The following VIPAS39 variants were observed in gnomAD, a reference collection of about 807,000 sequenced individuals.
VIPAS39 encodes the protein spermatogenesis-defective protein 39 homolog.
Under a neutral mutation model 84.7 loss-of-function variants are expected in VIPAS39, and 63 were observed. That is an observed-to-expected ratio of 0.74 (90% CI 0.61 to 0.92). VIPAS39 has a LOEUF of 0.92. Ranked by LOEUF, VIPAS39 falls within the 40% of genes least tolerant of loss-of-function variation. The pLI is 0.00. For missense variants in VIPAS39, 499 were observed against 604.5 expected (o/e 0.83, Z 1.83); for synonymous variants, 192 against 216.5 (o/e 0.89, Z 0.99).
intron 6 of VIPAS39, 127 bp from the exon 7 acceptor site, chr14:77,448,677 G>A: frequency 1.0e-6 from 1 of 995,168 alleles, no homozygotes; most frequent in Non-Finnish European, 1.5e-6. Flanking sequence ...GAATGGATGT[G>A]AAAAAAATGA....
rs191110003 is a variant in VIPAS39, at chr14:77,447,110, C to T, written c.504+1384G>A. Among the ~76,000 whole-genome samples the T allele has an allele frequency of 5.7e-4, 86 of 150,450 alleles. 1 individual carries two copies. The highest frequency in any genetic ancestry group is 1.8e-3 in the African/African-American group (75 of 41,002). On this transcript the variant is annotated intron_variant, in intron 7 of 19. Coordinates refer to ENST00000557658, the MANE Select transcript of VIPAS39 (RefSeq NM_001193315.2). ...AGGCTGGAGTGCAATTGCACAATCT[C>T]GGCCACCAGGTTCAAACGATTCTCT...
At chr14:77,446,533 C>A (rs563861667) in intron 7 of VIPAS39, among the ~76,000 whole-genome samples, 1 of 152,250 alleles carries the variant, frequency 6.6e-6, no homozygotes, top group Non-Finnish European at 1.5e-5. Flanking sequence ...TTGATCTGTA[C>A]ATTCAAGGCA....
Position 77,451,190 on chromosome 14 carries a change from TA to T in VIPAS39, c.339del (p.Phe113LeufsTer60), listed in dbSNP as rs2078875623. ...CCATTTAAGCATCTCTCTTTACCTC[TA>T]AAAAAGCTGCTCAGGGAGTAGGTAG... ...PTSTYSLSSFFRGRTRPGSFQ... is the reference protein window; with the variant it reads ...PTSTYSLSSFXRGRTRPGSFQ... On this transcript the variant is annotated frameshift_variant, in exon 4 of 20. Transcript: ENST00000557658. LOFTEE classifies it high-confidence loss of function. 1.2e-6 allele frequency: 2 copies of T among 1,614,202 alleles called. No individual in the cohort carries two copies. The highest frequency in any genetic ancestry group is 4.5e-5 in the East Asian group (2 of 44,884).
intron 14 of VIPAS39, 45 bp from the exon 15 acceptor site, chr14:77,434,348 C>A (rs1333917186): frequency 1.3e-6 from 2 of 1,563,436 alleles, no homozygotes; most frequent in African/African-American, 2.7e-5. Flanking sequence ...TTGACTTTCC[C>A]AAGTACCACC....
chr14:77,451,403 A>C lies in VIPAS39; in HGVS notation c.197-70T>G, dbSNP rs111406183. 12 of 1,612,166 alleles carry C rather than the reference A, an allele frequency of 7.4e-6. No individual in the cohort carries two copies. In the African/African-American group the frequency reaches 8.0e-5, roughly 11 times the overall value. ...AAGCCTTGACATCCAACATTCAATAAACTCTAAAAGCTTTTCACCAGAAGC... is the reference window on the plus strand; with the variant it reads ...AAGCCTTGACATCCAACATTCAATACACTCTAAAAGCTTTTCACCAGAAGC... On this transcript the variant is annotated intron_variant, in intron 3 of 19. Coordinates refer to ENST00000557658, the MANE Select transcript of VIPAS39 (RefSeq NM_001193315.2).
At chr14:77,438,543 T>G (rs2078652054) in intron 11 of VIPAS39, among the ~76,000 whole-genome samples, 1 of 152,234 alleles carries the variant, frequency 6.6e-6, no homozygotes, top group Non-Finnish European at 1.5e-5. Flanking sequence ...TATGGAATAT[T>G]TCTATCATTG....
intron 7 of VIPAS39, among the ~76,000 whole-genome samples, chr14:77,444,595 C>A (rs928116242): frequency 1.3e-5 from 2 of 152,136 alleles, no homozygotes; most frequent in Non-Finnish European, 2.9e-5. Context: ...CTTTTTGAGA[C>A]GGAGTCTTGC....
chr14:77,438,389 T>G (rs1224417290), intron 11 of VIPAS39, among the ~76,000 whole-genome samples: 1 of 152,156 alleles, frequency 6.6e-6, no homozygotes, highest in Non-Finnish European at 1.5e-5. Flanking sequence ...CCACCATGCC[T>G]GGCTAATTTT....
chr14:77,457,515 C>T lies in VIPAS39; in HGVS notation c.-21G>A, dbSNP rs2078981063. The T allele has an allele frequency of 2.1e-6, 2 of 950,184 alleles. No individual in the cohort carries two copies. Among genetic ancestry groups the T allele is most frequent in the African/African-American group, 1.6e-5 (1 of 60,940 alleles). The allele number at this position is 950,184 out of a possible 1,614,324, so 58.9% of individuals were successfully genotyped here. A position where few individuals can be genotyped will look rare whatever the true frequency, so the allele number is the denominator to read the frequency against. On this transcript the variant is annotated 5_prime_UTR_variant, in exon 1 of 20. Transcript: ENST00000557658. ...CTCACCTCTTCCGCACAGAGCCCTC[C>T]CTCTCAGGACAGCGCCAGCCTCCGC...
At chr14:77,442,320 G>A (rs1478019357) in intron 10 of VIPAS39, among the ~76,000 whole-genome samples, 1 of 152,186 alleles carries the variant, frequency 6.6e-6, no homozygotes, top group African/African-American at 2.4e-5. Flanking sequence ...AATGAATGAT[G>A]TGGGAGACCT....
chr14:77,432,317 G>A (rs759134812), intron 16 of VIPAS39, among the ~76,000 whole-genome samples: 15 of 151,944 alleles, frequency 9.9e-5, no homozygotes, highest in South Asian at 4.2e-4. Flanking sequence ...CACTGTTGTC[G>A]GTGGGAATGT....
chr14:77,450,319 G>A (rs1204922049), intron 4 of VIPAS39, among the ~76,000 whole-genome samples: 1 of 152,172 alleles, frequency 6.6e-6, no homozygotes, highest in Non-Finnish European at 1.5e-5. Flanking sequence ...CTTTAATGCT[G>A]AGTAACATTC....
At chr14:77,455,480 C>G (rs1594931636) in intron 1 of VIPAS39, among the ~76,000 whole-genome samples, 1 of 152,070 alleles carries the variant, frequency 6.6e-6, no homozygotes, top group Admixed American at 6.6e-5. Context: ...GTGAGACCCT[C>G]CCTATCTCCA....
Position 77,453,420 on chromosome 14 carries a change from C to A in VIPAS39, c.94-19G>T. 6.2e-7 allele frequency: 1 copy of A among 1,610,722 alleles called. No homozygotes were observed. On this transcript the variant is annotated intron_variant, in intron 2 of 19. Transcript: ENST00000557658. ...CCTTTAACTGCAGAGGGACACAAGG[C>A]TAGGGTGCTCAGGCAAATCATCATT...
chr14:77,448,353 C>T (rs923109046), intron 7 of VIPAS39, 141 bp downstream of exon 7: 53 of 894,372 alleles, frequency 5.9e-5, no homozygotes, highest in Non-Finnish European at 8.3e-5. Context: ...AATTTTGCCA[C>T]TGACTTTCAA....
At chr14:77,443,714 G>C (rs1212417857) in intron 8 of VIPAS39, among the ~76,000 whole-genome samples, 1 of 151,982 alleles carries the variant, frequency 6.6e-6, no homozygotes, top group Non-Finnish European at 1.5e-5. Flanking sequence ...AGCCAATGTA[G>C]TGAAACCCCA....
intron 6 of VIPAS39, 34 bp downstream of exon 6, chr14:77,449,258 TG>T: frequency 6.3e-7 from 1 of 1,598,330 alleles, no homozygotes; most frequent in East Asian, 2.2e-5. Context: ...CTTTATACTG[TG>T]GAAAGTGTCA....
chr14:77,429,184 A>G, intron 17 of VIPAS39, 89 bp from the exon 18 acceptor site: 2 of 1,134,952 alleles, frequency 1.8e-6, no homozygotes, highest in Non-Finnish European at 2.6e-6. Flanking sequence ...TGAAGAAGGC[A>G]AAAGAGTTCA....
intron 11 of VIPAS39, among the ~76,000 whole-genome samples, chr14:77,438,515 C>A (rs2078651400): frequency 6.6e-6 from 1 of 152,228 alleles, no homozygotes; most frequent in Non-Finnish European, 1.5e-5. Flanking sequence ...AGGCGTGAGC[C>A]ACCACGCCCG....
Sources: allele counts gnomAD v4.1 joint callset (sites outside exome capture counted in the v4.1 genomes callset), GRCh38; gene constraint gnomAD v4.1.1; transcripts MANE v1.5; gene names NCBI Gene and HGNC (gene_info 2026-07-23, HGNC 2026-07-21).